LRFN5: variants seen among roughly 807,000 people sequenced by gnomAD.
The protein encoded by LRFN5 is leucine rich repeat and fibronectin type III domain containing 5.
In LRFN5, 24 loss-of-function variants were observed where a neutral mutation model predicts 45.6. The ratio of observed to expected loss-of-function variants is 0.53; its 90% CI spans 0.38 to 0.74. The LOEUF (loss-of-function observed/expected upper bound fraction) is 0.74, where lower values mean the gene tolerates loss of function less well. Ranked by LOEUF, LRFN5 falls within the 30% of genes least tolerant of loss-of-function variation. The pLI is 0.00. For missense variants in LRFN5, 776 were observed against 861.5 expected, an observed-to-expected ratio of 0.90 and a Z score of 1.24; for synonymous variants, 340 against 313.8, an observed-to-expected ratio of 1.08 and a Z score of -0.88.
intron 2 of LRFN5, among the ~76,000 whole-genome samples, chr14:41,860,921 T>A (rs192559482): frequency 1.4e-4 from 22 of 152,314 alleles, no homozygotes; most frequent in African/African-American, 4.8e-4. Flanking sequence ...TAAAGAATAA[T>A]GCACTTTGAA....
chr14:41,694,209 CTG>C (rs1882500834), intron 1 of LRFN5, among the ~76,000 whole-genome samples: 1 of 151,832 alleles, frequency 6.6e-6, no homozygotes, highest in African/African-American at 2.4e-5. Flanking sequence ...GAAATTTACT[CTG>C]TTAGTTATTC....
At position 41,752,791 on chromosome 14, in the gene LRFN5, G is replaced by T. The variant is rs866696551; in HGVS notation, c.-196-14063G>T. Among the ~76,000 whole-genome samples the T allele has an allele frequency of 8.6e-5, 13 of 151,680 alleles. No individual in the cohort carries two copies. The South Asian group carries it at 1.1e-3, about 12-fold the overall frequency. On this transcript the variant is annotated intron_variant, in intron 1 of 5. Transcript: ENST00000298119. ...TTAATTAGATCCCATTTGTCAATTTGGGCTTTTGTTGCCATTGCTTTTTGT... is the reference window on the plus strand; with the variant it reads ...TTAATTAGATCCCATTTGTCAATTTTGGCTTTTGTTGCCATTGCTTTTTGT...
At chr14:41,826,397 T>G (rs1332638219) in intron 2 of LRFN5, among the ~76,000 whole-genome samples, 1 of 152,212 alleles carries the variant, frequency 6.6e-6, no homozygotes, top group Non-Finnish European at 1.5e-5. Flanking sequence ...TCCTTTCTCA[T>G]GCTGTACTTT....
rs182543688 is a variant in LRFN5 at position 41,904,284 on chromosome 14, G to A, written c.*109G>A. ...AAAGGCTAATTGTTGAACTGGTGTCGTAGAAGAAATTGTCTACAGGAGCCA... is the reference window on the plus strand; with the variant it reads ...AAAGGCTAATTGTTGAACTGGTGTCATAGAAGAAATTGTCTACAGGAGCCA... On this transcript the variant is annotated 3_prime_UTR_variant, in exon 6 of 6. Coordinates refer to ENST00000298119, the MANE Select transcript of LRFN5 (RefSeq NM_152447.5). 151 of 1,321,754 alleles carry A rather than the reference G, an allele frequency of 1.1e-4. No individual in the cohort carries two copies. In the East Asian group the frequency reaches 2.8e-3, roughly 24 times the overall value. 81.9% of individuals were successfully genotyped at this position (1,321,754 alleles called of 1,614,324 possible). A position where few individuals can be genotyped will look rare whatever the true frequency, so the allele number is the denominator to read the frequency against.
chr14:41,680,676 T>A (rs1881845376), intron 1 of LRFN5, among the ~76,000 whole-genome samples: 1 of 152,114 alleles, frequency 6.6e-6, no homozygotes, highest in Admixed American at 6.5e-5. Context: ...AAGCCCAGAC[T>A]GTGAAGACTA....
chr14:41,625,130 A>T (rs1168344496), intron 1 of LRFN5, among the ~76,000 whole-genome samples: 1 of 152,138 alleles, frequency 6.6e-6, no homozygotes, highest in African/African-American at 2.4e-5. Context: ...ATGAGAGAGG[A>T]TAGTACAATT....
chr14:41,782,594 G>T (rs1435598255), intron 2 of LRFN5, among the ~76,000 whole-genome samples: 2 of 152,014 alleles, frequency 1.3e-5, no homozygotes, highest in Non-Finnish European at 2.9e-5. Flanking sequence ...GTAATTTTTT[G>T]TTAAACATCA....
chr14:41,894,651 A>C, intron 4 of LRFN5: 2 of 981,854 alleles, frequency 2.0e-6, no homozygotes, highest in Non-Finnish European at 2.4e-6. Context: ...ACTGAAAAGT[A>C]AGTCTACAGA....
At chr14:41,897,191 G>A (rs1030280059) in intron 4 of LRFN5, among the ~76,000 whole-genome samples, 2 of 151,682 alleles carry the variant, frequency 1.3e-5, no homozygotes, top group East Asian at 1.9e-4. Context: ...AAAATGTGGT[G>A]TTATCTTGAA....
At chr14:41,671,617 G>GTTTTTTTTTTTTTTTTTTTTTCTT (rs914212982) in intron 1 of LRFN5, among the ~76,000 whole-genome samples, 1 of 78,020 alleles carries the variant, frequency 1.3e-5, no homozygotes. Context: ...TTTTTTTTTC[G>GTTTTTTTTTTTTTTTTTTTTTCTT]TTTTTTTTTT....
At chr14:41,672,113 T>G (rs1566613453) in intron 1 of LRFN5, among the ~76,000 whole-genome samples, 1 of 152,184 alleles carries the variant, frequency 6.6e-6, no homozygotes, top group African/African-American at 2.4e-5. Flanking sequence ...AGCTTCCTCT[T>G]TCTGTTTATT....
At chr14:41,858,501 T>C (rs202227431) in intron 2 of LRFN5, among the ~76,000 whole-genome samples, 2 of 111,536 alleles carry the variant, frequency 1.8e-5, no homozygotes, top group Non-Finnish European at 3.8e-5. Context: ...CTCTAGTAAG[T>C]TTTTTTTTTC....
At chr14:41,854,706 T>C (rs552612263) in intron 2 of LRFN5, among the ~76,000 whole-genome samples, 2 of 152,234 alleles carry the variant, frequency 1.3e-5, no homozygotes, top group African/African-American at 2.4e-5. Context: ...GTACAGTGCA[T>C]TGAGAATGTG....
intron 1 of LRFN5, among the ~76,000 whole-genome samples, chr14:41,679,143 C>G (rs894542626): frequency 6.6e-6 from 1 of 152,150 alleles, no homozygotes; most frequent in Non-Finnish European, 1.5e-5. Context: ...CTAAAGTACT[C>G]TTGGGTTCTA....
chr14:41,773,543 T>C (rs576543943), intron 2 of LRFN5, among the ~76,000 whole-genome samples: 6 of 152,272 alleles, frequency 3.9e-5, no homozygotes, highest in Non-Finnish European at 7.4e-5. Context: ...TAGAGCATTT[T>C]CCTCTCTCTC....
intron 2 of LRFN5, among the ~76,000 whole-genome samples, chr14:41,838,091 A>C (rs1183456649): frequency 6.6e-6 from 1 of 152,102 alleles, no homozygotes; most frequent in African/African-American, 2.4e-5. Flanking sequence ...ATGTGTGCTT[A>C]TCGTTAGTGT....
intron 2 of LRFN5, among the ~76,000 whole-genome samples, chr14:41,787,117 T>G (rs1464120121): frequency 6.7e-6 from 1 of 148,794 alleles, no homozygotes; most frequent in African/African-American, 2.5e-5. Context: ...CTGCATTTTC[T>G]TCTATTGATT....
At position 41,734,637 on chromosome 14, in the gene LRFN5, T is replaced by C. The variant is rs1884346780; in HGVS notation, c.-196-32217T>C. The stretch of plus-strand genomic sequence containing the variant: ...CACTCAGCCTCTTTATGTCTTTCAA[T>C]TGTGAAATTAAATTCATTTACATTC... On this transcript the variant is annotated intron_variant, in intron 1 of 5. Coordinates refer to ENST00000298119, the MANE Select transcript of LRFN5 (RefSeq NM_152447.5). Among the ~76,000 whole-genome samples the C allele has an allele frequency of 2.0e-5, 3 of 151,556 alleles. 1 individual carries two copies. The highest frequency in any genetic ancestry group is 4.2e-4 in the South Asian group (2 of 4,792).
intron 1 of LRFN5, among the ~76,000 whole-genome samples, chr14:41,679,412 G>A (rs541859886): frequency 1.3e-5 from 2 of 152,080 alleles, no homozygotes; most frequent in Admixed American, 6.5e-5. Context: ...CCTGTATACC[G>A]GCTAAGCCAC....
Sources: gnomAD v4.1 joint callset for allele counts (sites outside exome capture counted in the v4.1 genomes callset) on GRCh38, gnomAD v4.1.1 for gene constraint, MANE v1.5 for transcripts, NCBI Gene and HGNC (gene_info 2026-07-23, HGNC 2026-07-21) for gene names.